Variants in ATF7IP observed in about 807,000 individuals in gnomAD.
ATF7IP encodes activating transcription factor 7 interacting protein, also known as activating transcription factor 7-interacting protein 1.
In ATF7IP, 23 loss-of-function variants were observed where a neutral mutation model predicts 106.4. The observed-to-expected ratio is 0.22, with a 90% CI of 0.16 to 0.31. ATF7IP has a LOEUF of 0.31. Ranked by LOEUF, ATF7IP falls within the 10% of genes least tolerant of loss-of-function variation. The pLI, the probability that ATF7IP is intolerant of heterozygous loss-of-function variation, is 1.00. For synonymous variants in ATF7IP, 542 were observed against 539.0 expected (o/e 1.01, Z -0.08); for missense variants, 1,334 against 1,524.3 (o/e 0.88, Z 2.08).
intron 10 of ATF7IP, among the ~76,000 whole-genome samples, chr12:14,468,298 A>G (rs867355360): frequency 1.3e-5 from 2 of 150,742 alleles, no homozygotes; most frequent in South Asian, 4.2e-4. Flanking sequence ...AAGAAATATA[A>G]TATATGTAAC....
intron 1 of ATF7IP, among the ~76,000 whole-genome samples, chr12:14,368,614 T>G (rs1472020669): frequency 6.6e-6 from 1 of 152,144 alleles, no homozygotes; most frequent in Non-Finnish European, 1.5e-5. Flanking sequence ...GATAAAAACT[T>G]TTTTTTGAAA....
intron 6 of ATF7IP, among the ~76,000 whole-genome samples, chr12:14,454,328 T>G (rs1943339899): frequency 6.6e-6 from 1 of 152,196 alleles, no homozygotes; most frequent in South Asian, 2.1e-4. Context: ...CCCTGCTGTC[T>G]GTCTGTGTTA....
At position 14,424,915 on chromosome 12, in the gene ATF7IP, T is replaced by C. The variant is rs771736418; in HGVS notation, c.1000T>C (p.Ser334Pro). 2 of 1,605,372 alleles carry C rather than the reference T, an allele frequency of 1.2e-6. No homozygotes were observed. The highest frequency in any genetic ancestry group is 8.5e-7 in the Non-Finnish European group (1 of 1,177,870). ...EKLEQIQSKD[S>P]LDEKNKADNN... Reference sequence around the variant, plus strand: ...ATTAGAGCAAATTCAGAGTAAAGACTCATTGGATGAGAAAAATAAAGCTGA... The same window carrying C: ...ATTAGAGCAAATTCAGAGTAAAGACCCATTGGATGAGAAAAATAAAGCTGA... Residue 334 changes from serine to proline, a missense_variant, in exon 2 of 15, where the codon TCA (serine) becomes CCA (proline). Physicochemically the swap from Ser to Pro is moderately conservative, Grantham distance 74. Transcript: ENST00000261168.
At chr12:14,445,501 C>T (rs1482942090) in intron 5 of ATF7IP, among the ~76,000 whole-genome samples, 2 of 151,944 alleles carry the variant, frequency 1.3e-5, no homozygotes, top group African/African-American at 4.8e-5. Context: ...TCCCATTTAC[C>T]TTTTTAGAAA....
At chr12:14,374,413 C>T (rs908021792) in intron 1 of ATF7IP, among the ~76,000 whole-genome samples, 12 of 151,216 alleles carry the variant, frequency 7.9e-5, no homozygotes, top group Non-Finnish European at 1.3e-4. Context: ...TGTGCCTGGC[C>T]GAAAATGTGA....
chr12:14,369,123 T>C (rs1056119515), intron 1 of ATF7IP: 10 of 151,516 alleles, frequency 6.6e-5, no homozygotes, highest in African/African-American at 9.7e-5. Context: ...TTTTTCTTTT[T>C]TTTTTTTTTT....
chr12:14,408,894 A>C (rs932250145), intron 1 of ATF7IP, among the ~76,000 whole-genome samples: 1 of 152,144 alleles, frequency 6.6e-6, no homozygotes, highest in Non-Finnish European at 1.5e-5. Flanking sequence ...TACATAGCGC[A>C]TCATTCTTTT....
At chr12:14,386,258 G>C (rs1267642660) in intron 1 of ATF7IP, among the ~76,000 whole-genome samples, 1 of 152,038 alleles carries the variant, frequency 6.6e-6, no homozygotes, top group Non-Finnish European at 1.5e-5. Flanking sequence ...CATCGTTCTG[G>C]AGTAGAAATG....
intron 1 of ATF7IP, among the ~76,000 whole-genome samples, chr12:14,392,807 T>G (rs1203049520): frequency 6.6e-6 from 1 of 152,224 alleles, no homozygotes; most frequent in Non-Finnish European, 1.5e-5. Flanking sequence ...ATAGAAATTT[T>G]TACATCAATC....
intron 1 of ATF7IP, among the ~76,000 whole-genome samples, chr12:14,405,673 C>G (rs143431573): frequency 0.02 from 2,972 of 152,180 alleles, 99 homozygotes; most frequent in African/African-American, 0.068. Context: ...CCCACCTCAG[C>G]CTCCCAAAGT....
At chr12:14,377,107 GCT>G (rs1421998881) in intron 1 of ATF7IP, among the ~76,000 whole-genome samples, 2 of 151,620 alleles carry the variant, frequency 1.3e-5, no homozygotes, top group African/African-American at 4.8e-5. Flanking sequence ...CAATTCTTGT[GCT>G]TCAGCCTTCC....
At chr12:14,457,969 C>T (rs1943493743) in intron 8 of ATF7IP, among the ~76,000 whole-genome samples, 1 of 151,820 alleles carries the variant, frequency 6.6e-6, no homozygotes, top group Admixed American at 6.6e-5. Context: ...TGGCTGGTGC[C>T]TGTAATCCCA....
intron 13 of ATF7IP, among the ~76,000 whole-genome samples, chr12:14,483,300 A>G (rs1273863647): frequency 6.6e-6 from 1 of 152,156 alleles, no homozygotes; most frequent in Non-Finnish European, 1.5e-5. Context: ...ATACTAAGAG[A>G]CACCCTAATG....
intron 5 of ATF7IP, among the ~76,000 whole-genome samples, chr12:14,444,134 A>T (rs972879492): frequency 3.3e-5 from 5 of 152,192 alleles, no homozygotes; most frequent in African/African-American, 1.2e-4. Flanking sequence ...AAAGCTGTCA[A>T]CACACTCTGG....
intron 1 of ATF7IP, among the ~76,000 whole-genome samples, chr12:14,378,494 C>T (rs371956271): frequency 4.6e-5 from 7 of 152,304 alleles, no homozygotes; most frequent in African/African-American, 1.7e-4. Flanking sequence ...GGATATTTTT[C>T]TCCCTGATCT....
At chr12:14,488,092 A>G (rs192522242) in intron 13 of ATF7IP, among the ~76,000 whole-genome samples, 119 of 152,212 alleles carry the variant, frequency 7.8e-4, no homozygotes, top group African/African-American at 2.8e-3. Context: ...AAAATCAATG[A>G]AAGAACTCCA....
intron 4 of ATF7IP, among the ~76,000 whole-genome samples, chr12:14,437,343 T>C (rs1481380371): frequency 1.3e-5 from 2 of 152,200 alleles, no homozygotes; most frequent in Non-Finnish European, 2.9e-5. Context: ...GAAAAAAGAA[T>C]AGTGAGGCTG....
intron 2 of ATF7IP, among the ~76,000 whole-genome samples, chr12:14,427,835 G>A (rs1941935111): frequency 6.6e-6 from 1 of 151,978 alleles, no homozygotes; most frequent in Non-Finnish European, 1.5e-5. Context: ...CTCCTGCTGC[G>A]AGTCACCATC....
At chr12:14,484,388 G>A (rs1397459062) in intron 13 of ATF7IP, among the ~76,000 whole-genome samples, 1 of 152,184 alleles carries the variant, frequency 6.6e-6, no homozygotes, top group African/African-American at 2.4e-5. Flanking sequence ...TCACCCGTTG[G>A]TGAGCACTCA....
Sources: allele counts gnomAD v4.1 joint callset (sites outside exome capture counted in the v4.1 genomes callset), GRCh38; gene constraint gnomAD v4.1.1; transcripts MANE v1.5; gene names NCBI Gene and HGNC (gene_info 2026-07-23, HGNC 2026-07-21).